The following SMIM43 variants were observed in gnomAD, a reference collection of about 807,000 sequenced individuals.
SMIM43 encodes small integral membrane protein 43.
chr4:121,764,839 G>C lies in SMIM43; in HGVS notation c.*75C>G. 1 of 396,960 alleles carries C rather than the reference G, an allele frequency of 2.5e-6. No homozygotes were observed. The highest frequency in any genetic ancestry group is 3.6e-5 in the East Asian group (1 of 27,972). The allele number at this position is 396,960 out of a possible 1,614,324, so 24.6% of individuals were successfully genotyped here. A position where few individuals can be genotyped will look rare whatever the true frequency, so the allele number is the denominator to read the frequency against. On this transcript the variant is annotated 3_prime_UTR_variant, in exon 1 of 6. Transcript: ENST00000643802. ...CACCTGGAAGCTGGGAGGCCGCGAG[G>C]ACGGAGAATCGAGGCGGAGACCCAG...
upstream of SMIM43, chr4:121,765,365 G>A (rs1726304097): frequency 3.4e-6 from 1 of 290,416 alleles, no homozygotes; most frequent in Non-Finnish European, 6.3e-6. Context: ...GTGCTCTTGA[G>A]GACGCGAGCG....
intron 1 of SMIM43, chr4:121,764,299 C>CG (rs1390394365): frequency 6.6e-6 from 1 of 152,088 alleles, no homozygotes; most frequent in Admixed American, 6.6e-5. Context: ...TCCAAATGGA[C>CG]GACTGAATCT....
Position 121,760,218 on chromosome 4 carries a change from T to A in SMIM43, c.*756A>T, listed in dbSNP as rs4342205. ...TTAGTTGTCCTCCCAAGATCCACCATCATCTTCTTCTTCATCAAGAGAAAC... is the reference window on the plus strand; with the variant it reads ...TTAGTTGTCCTCCCAAGATCCACCAACATCTTCTTCTTCATCAAGAGAAAC... On this transcript the variant is annotated 3_prime_UTR_variant, in exon 6 of 6. Coordinates refer to ENST00000643802, the MANE Select transcript of SMIM43 (RefSeq NM_001384332.1). The A allele has an allele frequency of 4.6e-6, 7 of 1,530,508 alleles. No homozygotes were observed. Among genetic ancestry groups the A allele is most frequent in the Non-Finnish European group, 6.1e-6 (7 of 1,141,704 alleles). The allele number at this position is 1,530,508 out of a possible 1,614,324, so 94.8% of individuals were successfully genotyped here. A position where few individuals can be genotyped will look rare whatever the true frequency, so the allele number is the denominator to read the frequency against.
Position 121,760,292 on chromosome 4 carries a change from T to C in SMIM43, c.*682A>G. On this transcript the variant is annotated 3_prime_UTR_variant, in exon 6 of 6. Coordinates refer to ENST00000643802, the MANE Select transcript of SMIM43 (RefSeq NM_001384332.1). Reference sequence around the variant, plus strand: ...TATATCCAGCTACAAAAACTACATTTCTCAGACAATCTTGCAGATAGCAGT... The same window carrying C: ...TATATCCAGCTACAAAAACTACATTCCTCAGACAATCTTGCAGATAGCAGT... The C allele has an allele frequency of 6.3e-7, 1 of 1,596,570 alleles. No homozygotes were observed. Among genetic ancestry groups the C allele is most frequent in the Non-Finnish European group, 8.5e-7 (1 of 1,174,578 alleles).
chr4:121,764,852 G>A lies in SMIM43; in HGVS notation c.*62C>T, dbSNP rs1726270292. ...GGAGGCCGCGAGGACGGAGAATCGAGGCGGAGACCCAGCCCAGCGCCCGCG... is the reference window on the plus strand; with the variant it reads ...GGAGGCCGCGAGGACGGAGAATCGAAGCGGAGACCCAGCCCAGCGCCCGCG... On this transcript the variant is annotated 3_prime_UTR_variant, in exon 1 of 6. Transcript: ENST00000643802. The A allele has an allele frequency of 2.5e-6, 1 of 397,376 alleles. No individual in the cohort carries two copies. The highest frequency in any genetic ancestry group is 4.4e-6 in the Non-Finnish European group (1 of 225,440). 24.6% of individuals were successfully genotyped at this position (397,376 alleles called of 1,614,324 possible).
At position 121,761,640 on chromosome 4, in the gene SMIM43, C is replaced by T; in HGVS notation, c.*397G>A. The T allele has an allele frequency of 1.2e-6, 2 of 1,613,940 alleles. No individual in the cohort carries two copies. Among genetic ancestry groups the T allele is most frequent in the Non-Finnish European group, 1.7e-6 (2 of 1,179,936 alleles). On this transcript the variant is annotated 3_prime_UTR_variant, in exon 5 of 6. Transcript: ENST00000643802. ...ATGGCACACTCTGGGTAAATTTTCTCTCTTATTCTGTAGAATCGCACCAGA... is the reference window on the plus strand; with the variant it reads ...ATGGCACACTCTGGGTAAATTTTCTTTCTTATTCTGTAGAATCGCACCAGA...
At position 121,761,827 on chromosome 4, in the gene SMIM43, T is replaced by C. The variant is rs1346699907; in HGVS notation, c.*341+3A>G. 6.2e-7 allele frequency: 1 copy of C among 1,613,234 alleles called. No homozygotes were observed. The highest frequency in any genetic ancestry group is 1.1e-5 in the South Asian group (1 of 90,726). ...AGTAGAACTGCAGATCCATTGCACT[T>C]ACAAGTTTGGAAATTAGTGCAACAG... On this transcript the variant is annotated splice_donor_region_variant and intron_variant, in intron 4 of 5. Coordinates refer to ENST00000643802, the MANE Select transcript of SMIM43 (RefSeq NM_001384332.1).
In SMIM43 at chr4:121,762,781, T is replaced by C. The variant is rs1264554067; in HGVS notation, c.*224A>G. On this transcript the variant is annotated 3_prime_UTR_variant, in exon 3 of 6. Coordinates refer to ENST00000643802, the MANE Select transcript of SMIM43 (RefSeq NM_001384332.1). ...AAGAATGATGGGCAGGTTAAATTCA[T>C]GGATACCAGTGGTGCTGCTAGGAAG... The C allele has an allele frequency of 6.6e-6, 1 of 152,240 alleles. No homozygotes were observed. The highest frequency in any genetic ancestry group is 1.5e-5 in the Non-Finnish European group (1 of 68,050). 9.4% of individuals were successfully genotyped at this position (152,240 alleles called of 1,614,324 possible). A position where few individuals can be genotyped will look rare whatever the true frequency, so the allele number is the denominator to read the frequency against.
chr4:121,761,632 A>C lies in SMIM43; in HGVS notation c.*405T>G, dbSNP rs765909235. On this transcript the variant is annotated 3_prime_UTR_variant, in exon 5 of 6. Transcript: ENST00000643802. Reference sequence around the variant, plus strand: ...GCCAGTGCATGGCACACTCTGGGTAAATTTTCTCTCTTATTCTGTAGAATC... The same window carrying C: ...GCCAGTGCATGGCACACTCTGGGTACATTTTCTCTCTTATTCTGTAGAATC... The C allele has an allele frequency of 6.2e-7, 1 of 1,613,680 alleles. No homozygotes were observed. Among genetic ancestry groups the C allele is most frequent in the Non-Finnish European group, 8.5e-7 (1 of 1,179,886 alleles).
In SMIM43 at chr4:121,763,815, C is replaced by T. The variant is rs542850307; in HGVS notation, c.*155G>A. 1 of 152,284 alleles carries T rather than the reference C, an allele frequency of 6.6e-6. No individual in the cohort carries two copies. The highest frequency in any genetic ancestry group is 1.9e-4 in the East Asian group (1 of 5,172). 9.4% of individuals were successfully genotyped at this position (152,284 alleles called of 1,614,324 possible). On this transcript the variant is annotated 3_prime_UTR_variant, in exon 2 of 6. Transcript: ENST00000643802. The stretch of plus-strand genomic sequence containing the variant: ...TTGTTCCAGCCTTCTTTTTGCAGGC[C>T]CAAACTGTCATTGCAGCTGTGGTCC...
intron 3 of SMIM43, among the ~76,000 whole-genome samples, chr4:121,762,223 T>TAGA (rs1726110278): frequency 6.6e-6 from 1 of 152,156 alleles, no homozygotes; most frequent in African/African-American, 2.4e-5. Flanking sequence ...AGCCAACATG[T>TAGA]AGAAGCCTGC....
chr4:121,764,844 A>G lies in SMIM43; in HGVS notation c.*70T>C, dbSNP rs748620440. 1.0e-5 allele frequency: 4 copies of G among 396,922 alleles called. No homozygotes were observed. Among genetic ancestry groups the G allele is most frequent in the East Asian group, 3.6e-5 (1 of 27,974 alleles). The allele number at this position is 396,922 out of a possible 1,614,324, so 24.6% of individuals were successfully genotyped here. Reference sequence around the variant, plus strand: ...GGAAGCTGGGAGGCCGCGAGGACGGAGAATCGAGGCGGAGACCCAGCCCAG... The same window carrying G: ...GGAAGCTGGGAGGCCGCGAGGACGGGGAATCGAGGCGGAGACCCAGCCCAG... On this transcript the variant is annotated 3_prime_UTR_variant, in exon 1 of 6. Transcript: ENST00000643802.
chr4:121,764,805 C>G lies in SMIM43; in HGVS notation c.*97+12G>C, dbSNP rs1726264473. ...GCCGGAACGGACCCGTCAGAGCCGC[C>G]GAGCCCCGCACCTGGAAGCTGGGAG... On this transcript the variant is annotated intron_variant, in intron 1 of 5. Transcript: ENST00000643802. 2.5e-6 allele frequency: 1 copy of G among 395,666 alleles called. No homozygotes were observed. The highest frequency in any genetic ancestry group is 4.5e-6 in the Non-Finnish European group (1 of 224,638). 24.5% of individuals were successfully genotyped at this position (395,666 alleles called of 1,614,324 possible).
chr4:121,760,706 G>T (rs1726013274), intron 5 of SMIM43, among the ~76,000 whole-genome samples: 1 of 152,088 alleles, frequency 6.6e-6, no homozygotes, highest in Non-Finnish European at 1.5e-5. Context: ...CATCTGAAAG[G>T]AAAAGACATC....
At chr4:121,761,926 T>A (rs1726095784) in intron 3 of SMIM43, 34 bp from the exon 4 acceptor site, 1 of 1,525,232 alleles carries the variant, frequency 6.6e-7, no homozygotes, top group Non-Finnish European at 9.0e-7. Context: ...AATAATAACA[T>A]TTGAAATAAA....
In SMIM43 at chr4:121,764,830, G is replaced by A. The variant is rs1479238692; in HGVS notation, c.*84C>T. 1 of 396,668 alleles carries A rather than the reference G, an allele frequency of 2.5e-6. No homozygotes were observed. The allele number at this position is 396,668 out of a possible 1,614,324, so 24.6% of individuals were successfully genotyped here. A position where few individuals can be genotyped will look rare whatever the true frequency, so the allele number is the denominator to read the frequency against. ...CGAGCCCCGCACCTGGAAGCTGGGA[G>A]GCCGCGAGGACGGAGAATCGAGGCG... is the stretch of plus-strand genomic sequence containing the variant. On this transcript the variant is annotated 3_prime_UTR_variant, in exon 1 of 6. Transcript: ENST00000643802.
chr4:121,761,820 T>C lies in SMIM43; in HGVS notation c.*341+10A>G, dbSNP rs965917845. On this transcript the variant is annotated intron_variant, in intron 4 of 5. Coordinates refer to ENST00000643802, the MANE Select transcript of SMIM43 (RefSeq NM_001384332.1). ...CTTGCCAAGTAGAACTGCAGATCCATTGCACTTACAAGTTTGGAAATTAGT... is the reference window on the plus strand; with the variant it reads ...CTTGCCAAGTAGAACTGCAGATCCACTGCACTTACAAGTTTGGAAATTAGT... 1 of 1,613,240 alleles carries C rather than the reference T, an allele frequency of 6.2e-7. No individual in the cohort carries two copies. Among genetic ancestry groups the C allele is most frequent in the Non-Finnish European group, 8.5e-7 (1 of 1,179,590 alleles).
chr4:121,764,835 C>G lies in SMIM43; in HGVS notation c.*79G>C, dbSNP rs1221248094. The G allele has an allele frequency of 2.5e-6, 1 of 396,776 alleles. No homozygotes were observed. 24.6% of individuals were successfully genotyped at this position (396,776 alleles called of 1,614,324 possible). On this transcript the variant is annotated 3_prime_UTR_variant, in exon 1 of 6. Coordinates refer to ENST00000643802, the MANE Select transcript of SMIM43 (RefSeq NM_001384332.1). ...CCCGCACCTGGAAGCTGGGAGGCCGCGAGGACGGAGAATCGAGGCGGAGAC... is the reference window on the plus strand; with the variant it reads ...CCCGCACCTGGAAGCTGGGAGGCCGGGAGGACGGAGAATCGAGGCGGAGAC...
Position 121,760,003 on chromosome 4 carries a change from G to C in SMIM43, c.*971C>G, listed in dbSNP as rs1483298498. On this transcript the variant is annotated 3_prime_UTR_variant, in exon 6 of 6. Coordinates refer to ENST00000643802, the MANE Select transcript of SMIM43 (RefSeq NM_001384332.1). ...CTAGAAAATCCTGATGTGGGACAAGGATATTGACTGAGAGAGGTCAGCCCT... is the reference window on the plus strand; with the variant it reads ...CTAGAAAATCCTGATGTGGGACAAGCATATTGACTGAGAGAGGTCAGCCCT... 4.3e-6 allele frequency: 1 copy of C among 233,098 alleles called. No homozygotes were observed. The highest frequency in any genetic ancestry group is 2.3e-5 in the African/African-American group (1 of 43,902). The allele number at this position is 233,098 out of a possible 1,614,324, so 14.4% of individuals were successfully genotyped here. A position where few individuals can be genotyped will look rare whatever the true frequency, so the allele number is the denominator to read the frequency against.
Sources: allele counts gnomAD v4.1 joint callset (sites outside exome capture counted in the v4.1 genomes callset), GRCh38; gene constraint gnomAD v4.1.1; transcripts MANE v1.5; gene names NCBI Gene and HGNC (gene_info 2026-07-23, HGNC 2026-07-21).